Variants in SEC14L6 observed in about 807,000 individuals in gnomAD.
SEC14L6 encodes the protein SEC14-like protein 6.
In SEC14L6, 40 loss-of-function variants were observed where a neutral mutation model predicts 54.1. The ratio of observed to expected loss-of-function variants is 0.74; its 90% confidence interval spans 0.57 to 0.96. SEC14L6 has a LOEUF of 0.96. Ranked by LOEUF, SEC14L6 falls within the 40% of genes least tolerant of loss-of-function variation. The probability of loss-of-function intolerance (pLI) is 0.00; values close to 1 mark genes in which losing one functional copy is unlikely to be tolerated. For missense variants in SEC14L6, 471 were observed against 498.3 expected, an observed-to-expected ratio of 0.95 and a Z score of 0.52; for synonymous variants, 171 against 198.4, an observed-to-expected ratio of 0.86 and a Z score of 1.16.
intron 1 of SEC14L6, among the ~76,000 whole-genome samples, chr22:30,540,715 C>CAAA (rs60313942): frequency 4.1e-4 from 56 of 135,066 alleles, no homozygotes; most frequent in African/African-American, 1.2e-3. Flanking sequence ...GACCCTGTCT[C>CAAA]AAAAAAAAAA....
intron 1 of SEC14L6, among the ~76,000 whole-genome samples, chr22:30,546,383 C>CA (rs915640201): frequency 0.16 from 7,289 of 46,768 alleles, 320 homozygotes; most frequent in East Asian, 0.21. Flanking sequence ...AACTCCGTCT[C>CA]AAAAAAAAAA....
At chr22:30,527,235 T>C (rs191467137) in intron 8 of SEC14L6, among the ~76,000 whole-genome samples, 1 of 151,940 alleles carries the variant, frequency 6.6e-6, no homozygotes, top group Non-Finnish European at 1.5e-5. Context: ...GGACAAGGTG[T>C]TTAATATGCA....
intron 3 of SEC14L6, 88 bp from the exon 4 acceptor site, chr22:30,532,944 G>A: frequency 6.4e-7 from 1 of 1,553,462 alleles, no homozygotes; most frequent in Non-Finnish European, 8.7e-7. Flanking sequence ...AGGTCCCTCT[G>A]CCTGCAACCA....
chr22:30,524,080 C>G lies in SEC14L6; in HGVS notation c.*917G>C, dbSNP rs1250646990. The G allele has an allele frequency of 6.6e-6, 1 of 152,222 alleles. No individual in the cohort carries two copies. The highest frequency in any genetic ancestry group is 1.5e-5 in the Non-Finnish European group (1 of 68,056). 9.4% of individuals were successfully genotyped at this position (152,222 alleles called of 1,614,324 possible). A position where few individuals can be genotyped will look rare whatever the true frequency, so the allele number is the denominator to read the frequency against. Reference sequence around the variant, plus strand: ...AAGATACCAGACAGCTAGTGACAGCCCTTATTCCACGGAGCCTGCTGAAAT... The same window carrying G: ...AAGATACCAGACAGCTAGTGACAGCGCTTATTCCACGGAGCCTGCTGAAAT... On this transcript the variant is annotated 3_prime_UTR_variant, in exon 12 of 12. Coordinates refer to ENST00000402034, the MANE Select transcript of SEC14L6 (RefSeq NM_001193336.4).
At chr22:30,544,015 A>G (rs2085771284) in intron 1 of SEC14L6, 1 of 1,589,524 alleles carries the variant, frequency 6.3e-7, no homozygotes, top group African/African-American at 1.3e-5. Context: ...CCGGACCCCC[A>G]AGCAGCTGGC....
intron 6 of SEC14L6, among the ~76,000 whole-genome samples, chr22:30,531,090 T>G (rs983197507): frequency 6.6e-6 from 1 of 151,886 alleles, no homozygotes; most frequent in African/African-American, 2.4e-5. Flanking sequence ...GCTGTGGGTA[T>G]GAAAATATCC....
intron 8 of SEC14L6, among the ~76,000 whole-genome samples, chr22:30,526,364 C>A (rs1936780507): frequency 6.6e-6 from 1 of 152,218 alleles, no homozygotes; most frequent in Admixed American, 6.5e-5. Flanking sequence ...GGCTCCAGCA[C>A]CCTCAGAATT....
Position 30,523,414 on chromosome 22 carries a change from G to A in SEC14L6, c.*1583C>T, listed in dbSNP as rs762331972. 7.9e-5 allele frequency: 12 copies of A among 152,176 alleles called. No individual in the cohort carries two copies. Among genetic ancestry groups the A allele is most frequent in the Non-Finnish European group, 1.6e-4 (11 of 68,116 alleles). The allele number at this position is 152,176 out of a possible 1,614,324, so 9.4% of individuals were successfully genotyped here. ...CTGTTTCCCAGGCTGGAGTGCAGTG[G>A]TGCAATCTCAACTCACTGCAACCTC... On this transcript the variant is annotated 3_prime_UTR_variant, in exon 12 of 12. Transcript: ENST00000402034.
intron 6 of SEC14L6, among the ~76,000 whole-genome samples, chr22:30,529,741 G>A (rs1208997220): frequency 6.6e-6 from 1 of 152,178 alleles, no homozygotes; most frequent in African/African-American, 2.4e-5. Flanking sequence ...ACCGCACCTG[G>A]CCTAGTGCCG....
At chr22:30,543,561 C>T in intron 1 of SEC14L6, 1 of 1,613,632 alleles carries the variant, frequency 6.2e-7, no homozygotes, top group Non-Finnish European at 8.5e-7. Flanking sequence ...AGCTCACCTG[C>T]CAGGTGGAGC....
chr22:30,529,602 A>T (rs903729673), intron 6 of SEC14L6, among the ~76,000 whole-genome samples: 11 of 151,586 alleles, frequency 7.3e-5, no homozygotes, highest in African/African-American at 2.2e-4. Flanking sequence ...TTTTATTATT[A>T]TTTTTATTTC....
At chr22:30,543,801 T>A in intron 1 of SEC14L6, 1 of 1,513,726 alleles carries the variant, frequency 6.6e-7, no homozygotes, top group Non-Finnish European at 9.2e-7. Flanking sequence ...CAAGGTTGCA[T>A]GAACCCGAGA....
At chr22:30,543,798 G>T in intron 1 of SEC14L6, 2 of 1,511,828 alleles carry the variant, frequency 1.3e-6, no homozygotes, top group Non-Finnish European at 1.8e-6. Context: ...CTACAAGGTT[G>T]CATGAACCCG....
In SEC14L6 at chr22:30,523,367, T is replaced by C. The variant is rs1280593112; in HGVS notation, c.*1630A>G. ...CTGTGAGGCTCAGTCTGAATTTTTTTTTTTTAAGACAGGGTCTTGCTCTGT... is the reference window on the plus strand; with the variant it reads ...CTGTGAGGCTCAGTCTGAATTTTTTCTTTTTAAGACAGGGTCTTGCTCTGT... On this transcript the variant is annotated 3_prime_UTR_variant, in exon 12 of 12. Transcript: ENST00000402034. 2 of 152,386 alleles carry C rather than the reference T, an allele frequency of 1.3e-5. No individual in the cohort carries two copies. Among genetic ancestry groups the C allele is most frequent in the African/African-American group, 4.8e-5 (2 of 41,432 alleles). 9.4% of individuals were successfully genotyped at this position (152,386 alleles called of 1,614,324 possible). A position where few individuals can be genotyped will look rare whatever the true frequency, so the allele number is the denominator to read the frequency against.
At chr22:30,533,972 G>C in intron 3 of SEC14L6, 24 bp downstream of exon 3, 1 of 1,548,986 alleles carries the variant, frequency 6.5e-7, no homozygotes, top group Non-Finnish European at 8.7e-7. Flanking sequence ...GACCAGGCTA[G>C]GCAGGGGGAG....
chr22:30,527,530 G>A (rs1220371922), intron 8 of SEC14L6, among the ~76,000 whole-genome samples: 2 of 151,898 alleles, frequency 1.3e-5, no homozygotes, highest in East Asian at 1.9e-4. Context: ...TGCAATCTGT[G>A]TGAGCGCTAC....
rs758881299 is a variant in SEC14L6 at position 30,525,412 on chromosome 22, T to C, written c.1019A>G (p.Gln340Arg). The change falls in exon 11 of 12, where the codon CAG becomes CGG. Residue 340 changes from glutamine (Q) to arginine (R), a missense_variant. Transcript: ENST00000402034. ...AGGCACCATGTGGGCATTGTAGCGCTGGCTGGGCAGCACCTCTGTCATCTC... is the reference window on the plus strand; with the variant it reads ...AGGCACCATGTGGGCATTGTAGCGCCGGCTGGGCAGCACCTCTGTCATCTC... The part of the protein sequence containing the change: ...AREMTEVLPS[Q>R]RYNAHMVPED... 6 of 1,614,206 alleles carry C rather than the reference T, an allele frequency of 3.7e-6. No homozygotes were observed. The South Asian group carries it at 5.5e-5, about 15-fold the overall frequency.
intron 1 of SEC14L6, chr22:30,543,407 C>T: frequency 1.2e-6 from 2 of 1,604,096 alleles, no homozygotes; most frequent in Non-Finnish European, 1.7e-6. Context: ...AAATTCTACC[C>T]CCAGAGACTA....
rs2085755483 is a variant in SEC14L6 at position 30,543,201 on chromosome 22, C to T, written c.54+3428G>A. On this transcript the variant is annotated intron_variant, in intron 1 of 11. Transcript: ENST00000402034. ...AGAGCGTGTCCTACAGCATCCACAG[C>T]ACAGCCAATGTGGTGCTGACCCGCG... 6.2e-6 allele frequency: 10 copies of T among 1,603,702 alleles called. No homozygotes were observed. The South Asian group carries it at 1.1e-4, about 18-fold the overall frequency.
Sources: allele counts gnomAD v4.1 joint callset (sites outside exome capture counted in the v4.1 genomes callset), GRCh38; gene constraint gnomAD v4.1.1; transcripts MANE v1.5; gene names NCBI Gene and HGNC (gene_info 2026-07-23, HGNC 2026-07-21).